Variants in DPYS observed in about 807,000 individuals in gnomAD.
DPYS encodes the protein dihydropyrimidine amidohydrolase.
DPYS carries 39 observed loss-of-function variants against 50.3 expected under a neutral mutation model. That is an observed-to-expected ratio of 0.78 (90% CI 0.60 to 1.01). The LOEUF is 1.01. DPYS is among the 50% of genes least tolerant of loss of function. The pLI, the probability that DPYS is intolerant of heterozygous loss-of-function variation, is 0.00. For synonymous variants in DPYS, 245 were observed against 250.7 expected (o/e 0.98, Z 0.22); for missense variants, 659 against 680.9 (o/e 0.97, Z 0.36).
chr8:104,396,377 A>AT (rs1811586045), intron 7 of DPYS, among the ~76,000 whole-genome samples: 1 of 152,192 alleles, frequency 6.6e-6, no homozygotes, highest in African/African-American at 2.4e-5. Flanking sequence ...GAAAAAAGAA[A>AT]TTCTTAAGAG....
Position 104,447,436 on chromosome 8 carries a change from T to A in DPYS, c.491A>T (p.Tyr164Phe). 1 of 1,614,170 alleles carries A rather than the reference T, an allele frequency of 6.2e-7. No individual in the cohort carries two copies. The highest frequency in any genetic ancestry group is 1.3e-5 in the African/African-American group (1 of 75,056). The change falls in exon 3 of 10, where the codon TAT (tyrosine) becomes TTT (phenylalanine). Residue 164 changes from tyrosine (Y) to phenylalanine (F), a missense_variant. By Grantham distance (22) the Tyr-to-Phe change is conservative. Coordinates refer to ENST00000351513, the MANE Select transcript of DPYS (RefSeq NM_001385.3). ...GTCTGTCACCATGTACAGATCTTTA[T>A]AGGCCATAAACATCTTGAAAGAGTT... ...GVNSFKMFMA[Y>F]KDLYMVTDLE...
At chr8:104,459,735 G>A (rs1814058494) in intron 1 of DPYS, among the ~76,000 whole-genome samples, 1 of 152,242 alleles carries the variant, frequency 6.6e-6, no homozygotes, top group East Asian at 1.9e-4. Context: ...CCCCTCTCTA[G>A]GAGTTTCACA....
chr8:104,381,785 C>T (rs966335386), intron 8 of DPYS, among the ~76,000 whole-genome samples: 1 of 149,670 alleles, frequency 6.7e-6, no homozygotes, highest in African/African-American at 2.4e-5. Context: ...CGTTGGTGAC[C>T]GACTATGCAG....
At chr8:104,464,977 G>GT (rs1814309148) in intron 1 of DPYS, among the ~76,000 whole-genome samples, 1 of 152,176 alleles carries the variant, frequency 6.6e-6, no homozygotes, top group South Asian at 2.1e-4. Flanking sequence ...TCCTACAAAA[G>GT]ACTTTATTGA....
At chr8:104,451,481 A>C (rs748017869) in intron 1 of DPYS, 77 bp from the exon 2 acceptor site, 1 of 1,589,394 alleles carries the variant, frequency 6.3e-7, no homozygotes, top group Admixed American at 1.7e-5. Context: ...AACAATGTGC[A>C]TTTGTAAGCA....
rs1335037740 is a variant in DPYS at position 104,466,743 on chromosome 8, G to A, written c.178C>T (p.Leu60=). Residue 60 remains leucine, a synonymous_variant, in exon 1 of 10, where the codon CTG becomes TTG. Transcript: ENST00000351513. Reference sequence around the variant, plus strand: ...GTGTGTGTGTCGATGCCTCCGGGCAGGACGAGCTTGCCGGCGGCGTCGAGG... The same window carrying A: ...GTGTGTGTGTCGATGCCTCCGGGCAAGACGAGCTTGCCGGCGGCGTCGAGG... ...RVLDAAGKLV[L]PGGIDTHTHM... 6.5e-7 allele frequency: 1 copy of A among 1,535,488 alleles called. No homozygotes were observed. The highest frequency in any genetic ancestry group is 8.7e-7 in the Non-Finnish European group (1 of 1,145,764).
chr8:104,407,122 T>G (rs529484373), intron 7 of DPYS, among the ~76,000 whole-genome samples: 1 of 152,368 alleles, frequency 6.6e-6, no homozygotes, highest in African/African-American at 2.4e-5. Context: ...AAGTTTTTCA[T>G]ACATTATTTT....
At chr8:104,379,895 T>C in intron 9 of DPYS, 52 bp from the exon 10 acceptor site, 1 of 454,428 alleles carries the variant, frequency 2.2e-6, no homozygotes, top group Non-Finnish European at 4.4e-6. Context: ...CACAAAGAGA[T>C]GCAGAATTCA....
At chr8:104,408,019 T>C (rs1812051298) in intron 7 of DPYS, among the ~76,000 whole-genome samples, 1 of 152,232 alleles carries the variant, frequency 6.6e-6, no homozygotes, top group Non-Finnish European at 1.5e-5. Flanking sequence ...GGGTTTATCA[T>C]ACACTCATTC....
intron 6 of DPYS, among the ~76,000 whole-genome samples, chr8:104,424,874 T>C (rs1319024273): frequency 2.0e-5 from 3 of 150,676 alleles, no homozygotes; most frequent in Non-Finnish European, 4.4e-5. Flanking sequence ...TTGCCCAGGC[T>C]GGAGTGCAGT....
chr8:104,393,702 T>C (rs1314500074), intron 7 of DPYS, among the ~76,000 whole-genome samples: 2 of 152,208 alleles, frequency 1.3e-5, no homozygotes, highest in East Asian at 3.8e-4. Context: ...GGCTGGGTAT[T>C]TGAAAATGCT....
chr8:104,423,157 A>G (rs1426681579), intron 7 of DPYS, among the ~76,000 whole-genome samples: 1 of 152,136 alleles, frequency 6.6e-6, no homozygotes, highest in African/African-American at 2.4e-5. Context: ...TGTGTATACC[A>G]CCCTTTATGG....
intron 3 of DPYS, among the ~76,000 whole-genome samples, chr8:104,445,816 TG>T (rs1329092313): frequency 6.6e-6 from 1 of 151,934 alleles, no homozygotes; most frequent in Non-Finnish European, 1.5e-5. Flanking sequence ...GAGGCTGAGG[TG>T]GGCAGATCAC....
At chr8:104,416,586 T>A (rs916578586) in intron 7 of DPYS, among the ~76,000 whole-genome samples, 2 of 151,966 alleles carry the variant, frequency 1.3e-5, no homozygotes, top group Non-Finnish European at 2.9e-5. Flanking sequence ...GAAACAGGCA[T>A]GAAAAGCAGC....
At position 104,466,870 on chromosome 8, in the gene DPYS, A is replaced by G. The variant is rs1258366293; in HGVS notation, c.51T>C (p.Asp17=). ...GCACGTCGGCCACCTCCGAGAAGTC[A>G]TCGTTGACCACGCGACCCCCGCGGA... The part of the protein sequence containing the change: ...LLIRGGRVVN[D]DFSEVADVLV... The change falls in exon 1 of 10, where the codon GAT becomes GAC. Residue 17 remains aspartate, a synonymous_variant. Coordinates refer to ENST00000351513, the MANE Select transcript of DPYS (RefSeq NM_001385.3). 2 of 1,520,876 alleles carry G rather than the reference A, an allele frequency of 1.3e-6. No homozygotes were observed. Among genetic ancestry groups the G allele is most frequent in the Admixed American group, 2.0e-5 (1 of 49,936 alleles). 94.2% of individuals were successfully genotyped at this position (1,520,876 alleles called of 1,614,324 possible).
intron 9 of DPYS, 102 bp downstream of exon 9, chr8:104,381,082 A>G (rs554658880): frequency 1.0e-6 from 1 of 962,160 alleles, no homozygotes; most frequent in African/African-American, 1.6e-5. Context: ...GTCTTGGATC[A>G]CTGTGAAGCC....
At chr8:104,402,879 C>T (rs991210583) in intron 7 of DPYS, among the ~76,000 whole-genome samples, 2 of 152,118 alleles carry the variant, frequency 1.3e-5, no homozygotes, top group Admixed American at 6.5e-5. Context: ...TCACACCCGA[C>T]CAATCAGGTA....
chr8:104,431,648 G>C (rs1399760117), intron 4 of DPYS, among the ~76,000 whole-genome samples: 2 of 151,864 alleles, frequency 1.3e-5, no homozygotes, highest in Non-Finnish European at 2.9e-5. Flanking sequence ...TTAGATTTGG[G>C]CTAAAAATAA....
At chr8:104,415,335 C>T (rs1209442952) in intron 7 of DPYS, among the ~76,000 whole-genome samples, 1 of 152,232 alleles carries the variant, frequency 6.6e-6, no homozygotes. Flanking sequence ...AAACTGCTTA[C>T]TCTGGCCAAG....
Sources: allele counts gnomAD v4.1 joint callset (sites outside exome capture counted in the v4.1 genomes callset), GRCh38; gene constraint gnomAD v4.1.1; transcripts MANE v1.5; gene names NCBI Gene and HGNC (gene_info 2026-07-23, HGNC 2026-07-21).